The following DIP2C variants were observed in gnomAD, a reference collection of about 807,000 sequenced individuals.
The protein encoded by DIP2C is DIP2 acetate--CoA ligase C (putative), also known as disco-interacting protein 2 homolog C.
In DIP2C, 33 loss-of-function variants were observed where a neutral mutation model predicts 192.4. That is an observed-to-expected ratio of 0.17 (90% CI 0.13 to 0.23). The LOEUF (loss-of-function observed/expected upper bound fraction) is 0.23. Among genes scored for constraint, DIP2C ranks in the 10% least tolerant of loss-of-function variants. The probability of loss-of-function intolerance (pLI) is 1.00; values close to 1 mark genes in which losing one functional copy is unlikely to be tolerated. For synonymous variants in DIP2C, 979 were observed against 864.1 expected (o/e 1.13, Z -2.33); for missense variants, 1,537 against 2,110.1 (o/e 0.73, Z 5.32).
intron 1 of DIP2C, among the ~76,000 whole-genome samples, chr10:559,558 G>C (rs1287481134): frequency 6.6e-6 from 1 of 152,204 alleles, no homozygotes; most frequent in Non-Finnish European, 1.5e-5. Flanking sequence ...CAGAGCAGAT[G>C]CAACACTGGG....
At chr10:520,044 C>G (rs1405401517) in intron 1 of DIP2C, among the ~76,000 whole-genome samples, 1 of 152,224 alleles carries the variant, frequency 6.6e-6, no homozygotes, top group Non-Finnish European at 1.5e-5. Flanking sequence ...AGGCCCCCAC[C>G]CTGCATTCAG....
At chr10:559,681 A>ACC (rs1849094173) in intron 1 of DIP2C, among the ~76,000 whole-genome samples, 1 of 152,116 alleles carries the variant, frequency 6.6e-6, no homozygotes, top group African/African-American at 2.4e-5. Context: ...CAGACCAGCT[A>ACC]CCCACATGCC....
At chr10:673,452 G>A (rs561897771) in intron 1 of DIP2C, among the ~76,000 whole-genome samples, 3 of 152,278 alleles carry the variant, frequency 2.0e-5, no homozygotes, top group East Asian at 1.9e-4. Flanking sequence ...TTTGTTTCAA[G>A]GAATGTCAGC....
intron 1 of DIP2C, among the ~76,000 whole-genome samples, chr10:517,547 G>A (rs1846439266): frequency 1.3e-5 from 2 of 152,168 alleles, no homozygotes; most frequent in Admixed American, 6.5e-5. Flanking sequence ...GCCTCCTGCT[G>A]GCGGTGAAGG....
intron 1 of DIP2C, among the ~76,000 whole-genome samples, chr10:505,354 T>G (rs913391605): frequency 6.6e-6 from 1 of 152,148 alleles, no homozygotes; most frequent in Non-Finnish European, 1.5e-5. Context: ...AGCAAAACAT[T>G]TGAGGAACGG....
At position 496,940 on chromosome 10, in the gene DIP2C, C is replaced by T. The variant is rs563613936; in HGVS notation, c.86-10410G>A. On this transcript the variant is annotated intron_variant, in intron 1 of 36. Transcript: ENST00000280886. ...GAGATCAAGACCATCCTGGCTAACG[C>T]GGTGAAACTCCATCTCTAGTAAAAA... Among the ~76,000 whole-genome samples, 63 of 152,264 alleles carry T rather than the reference C, an allele frequency of 4.1e-4. 1 individual carries two copies. Among genetic ancestry groups the T allele is most frequent in the Admixed American group, 3.4e-3 (52 of 15,292 alleles).
Position 573,239 on chromosome 10 carries a change from G to A in DIP2C, c.86-86709C>T, listed in dbSNP as rs144934179. Among the ~76,000 whole-genome samples the A allele has an allele frequency of 6.2e-3, 947 of 152,228 alleles. 14 individuals are homozygous for A. Among genetic ancestry groups the A allele is most frequent in the African/African-American group, 0.021 (893 of 41,536 alleles). On this transcript the variant is annotated intron_variant, in intron 1 of 36. Coordinates refer to ENST00000280886, the MANE Select transcript of DIP2C (RefSeq NM_014974.3). The stretch of plus-strand genomic sequence containing the variant: ...TTTAGCAATCCAGTAACAACCTGAT[G>A]ATCAAGAGAAGCCTACTTGTTCCAG...
chr10:364,763 C>T (rs1336175508), intron 19 of DIP2C, among the ~76,000 whole-genome samples, 181 bp from the exon 20 acceptor site: 2 of 152,240 alleles, frequency 1.3e-5, no homozygotes, highest in East Asian at 1.9e-4. Flanking sequence ...GGCAGAAAAG[C>T]ACTTCCTGCC....
At chr10:301,560 TG>T (rs1206669832) in intron 32 of DIP2C, among the ~76,000 whole-genome samples, 9 of 152,108 alleles carry the variant, frequency 5.9e-5, no homozygotes, top group African/African-American at 2.2e-4. Flanking sequence ...AATTAGAGAA[TG>T]GGATGTAAAG....
intron 32 of DIP2C, among the ~76,000 whole-genome samples, chr10:298,388 C>T (rs763305100): frequency 6.6e-6 from 1 of 152,216 alleles, no homozygotes; most frequent in East Asian, 1.9e-4. Context: ...TATCAAAGCC[C>T]CCCTGCTCAT....
chr10:365,705 A>T (rs1013608076), intron 19 of DIP2C, among the ~76,000 whole-genome samples: 1 of 152,246 alleles, frequency 6.6e-6, no homozygotes, highest in Admixed American at 6.5e-5. Context: ...TTCATTACAC[A>T]GCACATCTGT....
chr10:616,001 A>G (rs1853448684), intron 1 of DIP2C, among the ~76,000 whole-genome samples: 1 of 152,108 alleles, frequency 6.6e-6, no homozygotes, highest in South Asian at 2.1e-4. Context: ...TCAGTGCTGC[A>G]TTTTTCCACA....
intron 24 of DIP2C, among the ~76,000 whole-genome samples, chr10:354,110 G>A (rs189554499): frequency 3.0e-4 from 45 of 152,180 alleles, no homozygotes; most frequent in Non-Finnish European, 5.1e-4. Flanking sequence ...AAGCGTGCCT[G>A]CCTCTGTGTC....
At chr10:433,416 C>A (rs1368821954) in intron 4 of DIP2C, among the ~76,000 whole-genome samples, 1 of 152,162 alleles carries the variant, frequency 6.6e-6, no homozygotes. Flanking sequence ...GTGGCTCATG[C>A]CTGTAATCCC....
chr10:469,230 T>TCC (rs996182338), intron 3 of DIP2C, among the ~76,000 whole-genome samples: 1 of 152,142 alleles, frequency 6.6e-6, no homozygotes, highest in Admixed American at 6.6e-5. Flanking sequence ...CACCCTGATT[T>TCC]CCTCTCATGT....
intron 1 of DIP2C, among the ~76,000 whole-genome samples, chr10:568,246 G>GT (rs947151691): frequency 6.6e-6 from 1 of 152,170 alleles, no homozygotes; most frequent in Non-Finnish European, 1.5e-5. Flanking sequence ...ATCAATCCCC[G>GT]TGCAGGGAGG....
chr10:632,963 G>A (rs962391212), intron 1 of DIP2C, among the ~76,000 whole-genome samples: 1 of 152,100 alleles, frequency 6.6e-6, no homozygotes, highest in African/African-American at 2.4e-5. Context: ...CACCGTAACT[G>A]GAGACCACAC....
At chr10:534,781 A>G (rs1847603723) in intron 1 of DIP2C, among the ~76,000 whole-genome samples, 1 of 149,570 alleles carries the variant, frequency 6.7e-6, no homozygotes, top group African/African-American at 2.5e-5. Context: ...GGTTCACGCC[A>G]TTCTCCTGCC....
intron 1 of DIP2C, among the ~76,000 whole-genome samples, chr10:658,753 C>T (rs982129938): frequency 1.3e-5 from 2 of 152,138 alleles, no homozygotes; most frequent in Admixed American, 6.5e-5. Flanking sequence ...AGCTTTGCAC[C>T]CATTTAACAT....
Sources: allele counts gnomAD v4.1 joint callset (sites outside exome capture counted in the v4.1 genomes callset), GRCh38; gene constraint gnomAD v4.1.1; transcripts MANE v1.5; gene names NCBI Gene and HGNC (gene_info 2026-07-23, HGNC 2026-07-21).